The following NKAIN3 variants were observed in gnomAD, a reference collection of about 807,000 sequenced individuals.
The protein encoded by NKAIN3 is sodium/potassium transporting ATPase interacting 3.
Under a neutral mutation model 30.2 loss-of-function variants are expected in NKAIN3, and 25 were observed. The observed-to-expected ratio is 0.83, with a 90% confidence interval of 0.60 to 1.16. The LOEUF is 1.16. NKAIN3 is among the 50% of genes most tolerant of loss of function. NKAIN3 has a pLI of 0.00. For missense variants in NKAIN3, 225 were observed against 254.1 expected (o/e 0.89, Z 0.78); for synonymous variants, 91 against 89.6 (o/e 1.02, Z -0.09).
intron 1 of NKAIN3, among the ~76,000 whole-genome samples, chr8:62,265,080 A>C (rs145602043): frequency 1.0e-3 from 159 of 152,306 alleles, no homozygotes; most frequent in African/African-American, 3.7e-3. Context: ...AAACAGGTAC[A>C]TAAAAGGTGC....
At position 62,359,175 on chromosome 8, in the gene NKAIN3, C is replaced by A. The variant is rs548398226; in HGVS notation, c.54+110048C>A. 1.9e-4 allele frequency among the ~76,000 whole-genome samples: 29 copies of A among 152,218 alleles called. 1 individual carries two copies. Among genetic ancestry groups the A allele is most frequent in the African/African-American group, 6.7e-4 (28 of 41,536 alleles). On this transcript the variant is annotated intron_variant, in intron 1 of 6. Coordinates refer to ENST00000623646, the MANE Select transcript of NKAIN3 (RefSeq NM_001304533.3). ...CCAGCCTGGGTGACAGAGCGAGACT[C>A]CGTATCAAAATATATATATTACTAG...
chr8:62,391,637 T>C (rs1817586068), intron 1 of NKAIN3, among the ~76,000 whole-genome samples: 1 of 151,974 alleles, frequency 6.6e-6, no homozygotes, highest in Admixed American at 6.6e-5. Flanking sequence ...ATATGTAATA[T>C]TATTTTAAAA....
chr8:62,667,352 T>TGTATATATATATAA (rs1813149819), intron 3 of NKAIN3, among the ~76,000 whole-genome samples: 2 of 72,246 alleles, frequency 2.8e-5, no homozygotes, highest in African/African-American at 1.7e-4. Flanking sequence ...ATTCTTTATA[T>TGTATATATATATAA]ATATATCTGT....
At chr8:62,285,881 C>G (rs1813364797) in intron 1 of NKAIN3, among the ~76,000 whole-genome samples, 1 of 152,146 alleles carries the variant, frequency 6.6e-6, no homozygotes, top group South Asian at 2.1e-4. Flanking sequence ...AAAGGAAATG[C>G]TGAATTGGAT....
At chr8:62,787,532 AATTATT>A (rs1318360055) in intron 4 of NKAIN3, among the ~76,000 whole-genome samples, 1 of 152,000 alleles carries the variant, frequency 6.6e-6, no homozygotes, top group Admixed American at 6.6e-5. Context: ...CTTTTTTTAA[AATTATT>A]ATTAATATAC....
chr8:62,548,516 T>G (rs903895795), intron 1 of NKAIN3, among the ~76,000 whole-genome samples: 1 of 152,144 alleles, frequency 6.6e-6, no homozygotes, highest in Non-Finnish European at 1.5e-5. Context: ...ATGCTTTCCA[T>G]TCTGTCCAGG....
Position 62,335,448 on chromosome 8 carries a change from A to AAAAG in NKAIN3, c.54+86337_54+86340dup, listed in dbSNP as rs1243639604. 1.4e-3 allele frequency among the ~76,000 whole-genome samples: 213 copies of AAAAG among 150,616 alleles called. 1 individual carries two copies. Among genetic ancestry groups the AAAAG allele is most frequent in the African/African-American group, 5.2e-3 (210 of 40,764 alleles). ...ACTCTGTCTCAAAAAAAAAAAAAAA[A>AAAAG]AAAGAAAGAAAGAAAGAAAAGAAAA... On this transcript the variant is annotated intron_variant, in intron 1 of 6. Transcript: ENST00000623646.
At chr8:62,350,192 T>C (rs971044500) in intron 1 of NKAIN3, among the ~76,000 whole-genome samples, 11 of 152,148 alleles carry the variant, frequency 7.2e-5, no homozygotes, top group Admixed American at 2.6e-4. Flanking sequence ...TTATTCACAA[T>C]AGCCAAAAGG....
At chr8:62,655,846 G>A (rs1812748117) in intron 3 of NKAIN3, among the ~76,000 whole-genome samples, 1 of 151,630 alleles carries the variant, frequency 6.6e-6, no homozygotes, top group Non-Finnish European at 1.5e-5. Context: ...TGAAGAATAT[G>A]TAATGAAGAA....
intron 1 of NKAIN3, among the ~76,000 whole-genome samples, chr8:62,427,713 G>T (rs1585797109): frequency 6.6e-6 from 1 of 151,674 alleles, no homozygotes; most frequent in Non-Finnish European, 1.5e-5. Context: ...TAATTTTTAT[G>T]CATACATAGA....
chr8:62,541,258 C>G (rs1468809982), intron 1 of NKAIN3, among the ~76,000 whole-genome samples: 1 of 152,038 alleles, frequency 6.6e-6, no homozygotes, highest in African/African-American at 2.4e-5. Context: ...GGGGAGGATG[C>G]AGTAAGTCAA....
intron 4 of NKAIN3, among the ~76,000 whole-genome samples, chr8:62,915,348 G>T (rs1241691428): frequency 6.6e-6 from 1 of 152,176 alleles, no homozygotes; most frequent in Non-Finnish European, 1.5e-5. Flanking sequence ...ATCCTTAACA[G>T]TAGGACAGGA....
chr8:62,551,122 G>A (rs967035606), intron 1 of NKAIN3, among the ~76,000 whole-genome samples: 1 of 152,102 alleles, frequency 6.6e-6, no homozygotes, highest in South Asian at 2.1e-4. Flanking sequence ...ATAATAATAC[G>A]AAGAGAGAAA....
At chr8:62,924,525 G>T (rs1170000588) in intron 5 of NKAIN3, among the ~76,000 whole-genome samples, 1 of 152,222 alleles carries the variant, frequency 6.6e-6, no homozygotes, top group Non-Finnish European at 1.5e-5. Context: ...CAATGGCAGA[G>T]ATCGGGGAGA....
At chr8:62,803,828 G>A (rs983633648) in intron 4 of NKAIN3, among the ~76,000 whole-genome samples, 5 of 152,106 alleles carry the variant, frequency 3.3e-5, no homozygotes, top group African/African-American at 1.2e-4. Context: ...TCCAGGAGCT[G>A]GTTTTTTGAA....
chr8:62,932,686 A>C (rs1203905983), intron 5 of NKAIN3, among the ~76,000 whole-genome samples: 2 of 152,146 alleles, frequency 1.3e-5, no homozygotes, highest in African/African-American at 4.8e-5. Context: ...TCCATTTTAC[A>C]CTAGTGATTT....
chr8:62,366,727 C>T (rs1355289358), intron 1 of NKAIN3, among the ~76,000 whole-genome samples: 1 of 151,994 alleles, frequency 6.6e-6, no homozygotes, highest in Non-Finnish European at 1.5e-5. Context: ...TTTCTTTCCT[C>T]GTACTAACTT....
At chr8:62,720,103 C>T (rs945527002) in intron 3 of NKAIN3, among the ~76,000 whole-genome samples, 7 of 151,990 alleles carry the variant, frequency 4.6e-5, no homozygotes, top group African/African-American at 1.5e-4. Flanking sequence ...GATATAGACA[C>T]TAAACAAAAG....
intron 3 of NKAIN3, among the ~76,000 whole-genome samples, chr8:62,616,480 G>C (rs1203262555): frequency 1.3e-5 from 2 of 152,132 alleles, no homozygotes; most frequent in Non-Finnish European, 2.9e-5. Flanking sequence ...GAAAGCCCAG[G>C]ACAAGATATG....
Sources: allele counts gnomAD v4.1 joint callset (sites outside exome capture counted in the v4.1 genomes callset), GRCh38; gene constraint gnomAD v4.1.1; transcripts MANE v1.5; gene names NCBI Gene and HGNC (gene_info 2026-07-23, HGNC 2026-07-21).